Variants in PARP4 observed in about 807,000 individuals in gnomAD.
PARP4 encodes poly(ADP-ribose) polymerase family member 4.
Under a neutral mutation model 187.7 loss-of-function variants are expected in PARP4, and 120 were observed. That is an observed-to-expected ratio of 0.64 (90% CI 0.55 to 0.74). PARP4 has a LOEUF of 0.74. Ranked by LOEUF, PARP4 falls within the 30% of genes least tolerant of loss-of-function variation. The probability of loss-of-function intolerance (pLI) is 0.00; values close to 1 mark genes in which losing one functional copy is unlikely to be tolerated. For synonymous variants in PARP4, 654 were observed against 740.9 expected (o/e 0.88, Z 1.90); for missense variants, 1,836 against 2,070.5 (o/e 0.89, Z 2.20).
At chr13:24,476,469 T>A (rs1438574444) in intron 14 of PARP4, among the ~76,000 whole-genome samples, 2 of 152,162 alleles carry the variant, frequency 1.3e-5, no homozygotes, top group Non-Finnish European at 2.9e-5. Flanking sequence ...ACACAAGCAT[T>A]TTGGGATGGC....
At chr13:24,487,433 A>G (rs1179967937) in intron 10 of PARP4, among the ~76,000 whole-genome samples, 1 of 152,140 alleles carries the variant, frequency 6.6e-6, no homozygotes, top group Non-Finnish European at 1.5e-5. Context: ...ATGGGGCAGG[A>G]GTAGAGGGGA....
At chr13:24,478,027 C>CA in intron 13 of PARP4, 66 bp downstream of exon 13, 3 of 1,293,290 alleles carry the variant, frequency 2.3e-6, no homozygotes, top group Non-Finnish European at 3.2e-6. Context: ...AAAATAGGAG[C>CA]AAAAAACTAA....
chr13:24,467,962 G>A (rs9511296), intron 17 of PARP4, among the ~76,000 whole-genome samples: 77,302 of 151,848 alleles, frequency 0.51, 19,991 homozygotes, highest in South Asian at 0.65. Flanking sequence ...TTCCCATCCT[G>A]CAGGTGGATA....
chr13:24,465,380 A>T (rs552459284), intron 17 of PARP4, among the ~76,000 whole-genome samples: 1 of 152,328 alleles, frequency 6.6e-6, no homozygotes, highest in East Asian at 1.9e-4. Flanking sequence ...AAAGACATGG[A>T]ATCAATCCAA....
chr13:24,494,778 T>C lies in PARP4; in HGVS notation c.592-56A>G. 3.9e-6 allele frequency: 5 copies of C among 1,281,234 alleles called. No individual in the cohort carries two copies. In the East Asian group the frequency reaches 7.3e-5, roughly 19 times the overall value. The allele number at this position is 1,281,234 out of a possible 1,614,324, so 79.4% of individuals were successfully genotyped here. A position where few individuals can be genotyped will look rare whatever the true frequency, so the allele number is the denominator to read the frequency against. Reference sequence around the variant, plus strand: ...GTCATTATTTACATATCTAGCTTTATTGAACATAAATAAAGCAGTAGGTCC... The same window carrying C: ...GTCATTATTTACATATCTAGCTTTACTGAACATAAATAAAGCAGTAGGTCC... On this transcript the variant is annotated intron_variant, in intron 6 of 33. Transcript: ENST00000381989.
At chr13:24,507,146 C>T (rs930348302) in intron 1 of PARP4, among the ~76,000 whole-genome samples, 8 of 152,216 alleles carry the variant, frequency 5.3e-5, no homozygotes, top group African/African-American at 1.9e-4. Flanking sequence ...TTGCGCTGGC[C>T]CGCAAGCGCC....
chr13:24,469,822 A>T, intron 16 of PARP4, 72 bp downstream of exon 16: 1 of 1,539,666 alleles, frequency 6.5e-7, no homozygotes, highest in East Asian at 2.3e-5. Flanking sequence ...GGGACTCCAA[A>T]AACAAAGGTT....
intron 12 of PARP4, among the ~76,000 whole-genome samples, chr13:24,478,821 G>T (rs1341581578): frequency 2.0e-5 from 3 of 152,168 alleles, no homozygotes; most frequent in Non-Finnish European, 4.4e-5. Flanking sequence ...AGAGAGAAAT[G>T]AATTCTACTG....
chr13:24,437,849 C>CAAAAAA lies in PARP4; in HGVS notation c.3667-2381_3667-2376dup, dbSNP rs1216300092. On this transcript the variant is annotated intron_variant, in intron 30 of 33. Coordinates refer to ENST00000381989, the MANE Select transcript of PARP4 (RefSeq NM_006437.4). Reference sequence around the variant, plus strand: ...TGGGTGACAGAGTGAGACTCCATCTCAAAAAAAAAAAAGAATCATACTGAG... The same window carrying CAAAAAA: ...TGGGTGACAGAGTGAGACTCCATCTCAAAAAAAAAAAAAAAAAAGAATCATACTGAG... 3.0e-4 allele frequency among the ~76,000 whole-genome samples: 36 copies of CAAAAAA among 118,358 alleles called. 5 individuals are homozygous for CAAAAAA. The highest frequency in any genetic ancestry group is 7.5e-4 in the East Asian group (3 of 4,018). The allele number at this position is 118,358 out of a possible 152,430, so 77.6% of individuals were successfully genotyped here.
intron 14 of PARP4, among the ~76,000 whole-genome samples, chr13:24,476,321 C>G (rs1872983866): frequency 6.6e-6 from 1 of 152,130 alleles, no homozygotes; most frequent in South Asian, 2.1e-4. Context: ...CACAGCATTA[C>G]TTGACATACA....
At chr13:24,503,855 T>C in intron 1 of PARP4, 78 bp from the exon 2 acceptor site, 1 of 1,286,806 alleles carries the variant, frequency 7.8e-7, no homozygotes, top group Non-Finnish European at 1.1e-6. Flanking sequence ...ACAAGCAAAC[T>C]GTGGGAAAAT....
intron 33 of PARP4, among the ~76,000 whole-genome samples, chr13:24,425,561 G>A (rs1247167074): frequency 2.9e-5 from 4 of 137,838 alleles, no homozygotes; most frequent in Middle Eastern, 3.6e-3. Flanking sequence ...GTGTGTGTGT[G>A]TGTGTGTGTA....
chr13:24,501,737 A>T lies in PARP4; in HGVS notation c.230T>A (p.Ile77Lys), dbSNP rs1262025770. ...NHVHIANPDF[I>K]WKSIREKRLL... is the part of the protein sequence containing the mutation. ...TCTCTTTTCCCTGATAGATTTCCAT[A>T]TAAAATCTGGGTTTGCAATATGAAC... The change falls in exon 3 of 34, where the codon ATA becomes AAA. Residue 77 changes from isoleucine (I) to lysine (K), a missense_variant. By Grantham distance (102) the Ile-to-Lys change is moderately radical (BLOSUM62 -3). Around this residue, in one of 8 missense-constraint regions of PARP4, gnomAD observed 1,147 missense variants for 1,214.2 expected, o/e 0.94. Transcript: ENST00000381989. 1 of 1,610,912 alleles carries T rather than the reference A, an allele frequency of 6.2e-7. No individual in the cohort carries two copies. The highest frequency in any genetic ancestry group is 1.3e-5 in the African/African-American group (1 of 74,860).
chr13:24,452,317 C>T, intron 24 of PARP4, 89 bp downstream of exon 24: 2 of 1,052,416 alleles, frequency 1.9e-6, no homozygotes, highest in Admixed American at 2.2e-5. Context: ...ATTCTAGTGT[C>T]AACTTCCAAG....
chr13:24,478,725 T>G (rs938232921), intron 12 of PARP4, among the ~76,000 whole-genome samples: 9 of 152,208 alleles, frequency 5.9e-5, no homozygotes, highest in African/African-American at 2.2e-4. Context: ...TGAGCAACCA[T>G]GCCTGGCCTA....
intron 1 of PARP4, among the ~76,000 whole-genome samples, chr13:24,504,307 C>CTTTTTT (rs11434017): frequency 4.4e-4 from 38 of 87,356 alleles, no homozygotes; most frequent in African/African-American, 1.0e-3. Flanking sequence ...CATTTAGGTT[C>CTTTTTT]TTTTTTTTTT....
At chr13:24,431,261 A>G in intron 32 of PARP4, 116 bp downstream of exon 32, 1 of 618,594 alleles carries the variant, frequency 1.6e-6, no homozygotes, top group Non-Finnish European at 2.8e-6. Flanking sequence ...ATTCGAATAT[A>G]ACTTTCATAA....
At chr13:24,509,983 A>G (rs1034152715) in intron 1 of PARP4, among the ~76,000 whole-genome samples, 1 of 152,084 alleles carries the variant, frequency 6.6e-6, no homozygotes, top group Non-Finnish European at 1.5e-5. Flanking sequence ...TACAGGCATG[A>G]GCCACCACAC....
chr13:24,472,827 T>C (rs1872782569), intron 15 of PARP4, among the ~76,000 whole-genome samples: 2 of 152,180 alleles, frequency 1.3e-5, no homozygotes, highest in South Asian at 2.1e-4. Flanking sequence ...TTAATGCTCT[T>C]TCTGAGCTTC....
Sources: gnomAD v4.1 joint callset for allele counts (sites outside exome capture counted in the v4.1 genomes callset) on GRCh38, gnomAD v4.1.1 for gene constraint, gnomAD v4.1.1 regional missense constraint, MANE v1.5 for transcripts, NCBI Gene and HGNC (gene_info 2026-07-23, HGNC 2026-07-21) for gene names.